Variants in ZSCAN5A observed in about 807,000 individuals in gnomAD.
ZSCAN5A encodes zinc finger and SCAN domain-containing protein 5A.
In ZSCAN5A, 12 loss-of-function variants were observed where a neutral mutation model predicts 23.7. The ratio of observed to expected loss-of-function variants is 0.51; its 90% CI spans 0.32 to 0.82. The LOEUF is 0.82. ZSCAN5A is among the 40% of genes least tolerant of loss of function. The pLI, the probability that ZSCAN5A is intolerant of heterozygous loss-of-function variation, is 0.03. For synonymous variants in ZSCAN5A, 257 were observed against 239.9 expected (o/e 1.07, Z -0.66); for missense variants, 597 against 617.9 (o/e 0.97, Z 0.36).
At chr19:56,339,321 T>C (rs548113744) in intron 2 of ZSCAN5A, among the ~76,000 whole-genome samples, 1 of 151,974 alleles carries the variant, frequency 6.6e-6, no homozygotes, top group Non-Finnish European at 1.5e-5. Flanking sequence ...TTTAGCAATA[T>C]GTGAAGGAGC....
chr19:56,317,480 T>C (rs2147417666), upstream of ZSCAN5A: 1 of 152,414 alleles, frequency 6.6e-6, no homozygotes, highest in South Asian at 2.1e-4. Flanking sequence ...TGGATAATGA[T>C]GTAGCCAGGC....
At chr19:56,337,384 T>C (rs527735085) in intron 2 of ZSCAN5A, among the ~76,000 whole-genome samples, 1 of 152,354 alleles carries the variant, frequency 6.6e-6, no homozygotes, top group Admixed American at 6.5e-5. Flanking sequence ...CTCCAAGCCA[T>C]GTGTGGGATA....
chr19:56,256,540 T>C (rs2036704934), intron 2 of ZSCAN5A, among the ~76,000 whole-genome samples: 1 of 152,230 alleles, frequency 6.6e-6, no homozygotes. Context: ...TTTTCAGGTG[T>C]GTGCGTGTAT....
At chr19:56,298,748 C>T (rs1004199795) in intron 2 of ZSCAN5A, among the ~76,000 whole-genome samples, 1 of 151,920 alleles carries the variant, frequency 6.6e-6, no homozygotes, top group Non-Finnish European at 1.5e-5. Flanking sequence ...CTTTCAGGAT[C>T]AAGTTAGCTT....
intron 2 of ZSCAN5A, among the ~76,000 whole-genome samples, chr19:56,279,755 A>T (rs757864470): frequency 2.0e-5 from 3 of 152,176 alleles, no homozygotes; most frequent in Non-Finnish European, 4.4e-5. Flanking sequence ...CTATCTTCAA[A>T]AGCTGAACCT....
At chr19:56,302,079 A>G in intron 2 of ZSCAN5A, 1 of 1,231,822 alleles carries the variant, frequency 8.1e-7, no homozygotes, top group Admixed American at 4.2e-5. Context: ...TTCGTATCCT[A>G]CAACAAAGGG....
In ZSCAN5A at chr19:56,265,415, GAA is replaced by G. The variant is rs1466714162; in HGVS notation, c.-127-40244_-127-40243del. Among the ~76,000 whole-genome samples, 5 of 150,410 alleles carry G rather than the reference GAA, an allele frequency of 3.3e-5. No homozygotes were observed. The East Asian group carries it at 9.8e-4, about 29-fold the overall frequency. ...AAGCTGTAAGCAAGCAGTAAGGCTTGAAACTTAAAGCTGGTGGAAAGTAAACT... is the reference window on the plus strand; with the variant it reads ...AAGCTGTAAGCAAGCAGTAAGGCTTGACTTAAAGCTGGTGGAAAGTAAACT... On this transcript the variant is annotated intron_variant, in intron 2 of 5. Transcript: ENST00000683990.
chr19:56,347,418 A>G (rs2041641324), intron 2 of ZSCAN5A: 1 of 152,150 alleles, frequency 6.6e-6, no homozygotes, highest in Non-Finnish European at 1.5e-5. Context: ...AGCTTGCCAC[A>G]GTATCTTATC....
intron 2 of ZSCAN5A, among the ~76,000 whole-genome samples, chr19:56,335,910 G>GC (rs1162674572): frequency 2.6e-5 from 4 of 152,088 alleles, no homozygotes; most frequent in Non-Finnish European, 5.9e-5. Flanking sequence ...TTGAATATTG[G>GC]CCCCCACTCT....
chr19:56,244,306 G>A, intron 2 of ZSCAN5A: 2 of 1,609,646 alleles, frequency 1.2e-6, no homozygotes, highest in Non-Finnish European at 1.7e-6. Context: ...ACATGCTGGT[G>A]ATGGAGCAGT....
chr19:56,351,574 C>T lies in ZSCAN5A; in HGVS notation c.-358+11661G>A, dbSNP rs986645337. The stretch of plus-strand genomic sequence containing the variant: ...TCTGTTCCTTTCCCATGTCTCAGTA[C>T]GGGGGAGCTGTTCTCTTCTTTCTTC... On this transcript the variant is annotated intron_variant, in intron 2 of 6. Transcript: ENST00000587340. The surrounding 1 kb of genome is among the most constrained non-coding windows in gnomAD (Gnocchi z 4.8). 5.3e-5 allele frequency among the ~76,000 whole-genome samples: 8 copies of T among 152,030 alleles called. No individual in the cohort carries two copies. The highest frequency in any genetic ancestry group is 2.1e-4 in the South Asian group (1 of 4,820).
chr19:56,315,264 G>A (rs1029274534), upstream of ZSCAN5A: 14 of 152,344 alleles, frequency 9.2e-5, no homozygotes, highest in Middle Eastern at 3.4e-3. Flanking sequence ...ACGGGATAGA[G>A]TTGCACACGC....
At chr19:56,331,575 A>ATTT (rs1568755642) in intron 2 of ZSCAN5A, among the ~76,000 whole-genome samples, 52 of 60,200 alleles carry the variant, frequency 8.6e-4, no homozygotes, top group African/African-American at 1.3e-3. Context: ...ATGGAATTGC[A>ATTT]TTCTTTTTTT....
chr19:56,223,819 G>T lies in ZSCAN5A; in HGVS notation c.400C>A (p.His134Asn). Reference sequence around the variant, plus strand: ...TCCTGCACAATATATTCCTTTCCGTGGAAGGTGACCACAGACTGTAGAGAG... The same window carrying T: ...TCCTGCACAATATATTCCTTTCCGTTGAAGGTGACCACAGACTGTAGAGAG... The part of the protein sequence containing the change: ...RPKKWSVVTF[H>N]GKEYIVQDSD... The change falls in exon 4 of 6, where the codon CAC becomes AAC. Residue 134 changes from histidine to asparagine, a missense_variant. Physicochemically the swap from His to Asn is moderately conservative, Grantham distance 68. Coordinates refer to ENST00000683990, the MANE Select transcript of ZSCAN5A (RefSeq NM_001322064.3). 6.2e-7 allele frequency: 1 copy of T among 1,612,082 alleles called. No homozygotes were observed. The highest frequency in any genetic ancestry group is 1.1e-5 in the South Asian group (1 of 91,036).
At chr19:56,320,347 A>G (rs2041361835) in intron 2 of ZSCAN5A, 1 of 362,092 alleles carries the variant, frequency 2.8e-6, no homozygotes, top group Non-Finnish European at 5.3e-6. Flanking sequence ...ACCAACATGG[A>G]GAAACCCAAT....
chr19:56,358,644 G>A (rs1405021412), intron 2 of ZSCAN5A, among the ~76,000 whole-genome samples: 1 of 152,122 alleles, frequency 6.6e-6, no homozygotes, highest in Admixed American at 6.5e-5. Context: ...AGTACCACAT[G>A]GCACTTACTC....
intron 2 of ZSCAN5A, among the ~76,000 whole-genome samples, chr19:56,243,140 C>G (rs2146638306): frequency 6.7e-6 from 1 of 148,786 alleles, no homozygotes; most frequent in South Asian, 2.2e-4. Context: ...GACTTTAAAT[C>G]CATTTTCTGA....
intron 2 of ZSCAN5A, among the ~76,000 whole-genome samples, chr19:56,259,497 C>T (rs2036966695): frequency 6.6e-6 from 1 of 152,226 alleles, no homozygotes; most frequent in Non-Finnish European, 1.5e-5. Context: ...TTTACCCGTT[C>T]TGTCCTCTCT....
At chr19:56,235,180 T>C (rs74182594) in intron 2 of ZSCAN5A, among the ~76,000 whole-genome samples, 4,286 of 22,172 alleles carry the variant, frequency 0.19, 1,266 homozygotes, top group Middle Eastern at 0.29. Flanking sequence ...GTGGGCCAAG[T>C]CTCCACTCCA....
Sources: gnomAD v4.1 joint callset for allele counts (sites outside exome capture counted in the v4.1 genomes callset) on GRCh38, gnomAD v4.1.1 for gene constraint, Gnocchi (gnomAD v3.1) non-coding constraint, MANE v1.5 for transcripts, NCBI Gene and HGNC (gene_info 2026-07-23, HGNC 2026-07-21) for gene names.